Variants in IFT74 observed in about 807,000 individuals in gnomAD.
The protein encoded by IFT74 is intraflagellar transport protein 74 homolog.
IFT74 carries 92 observed loss-of-function variants against 96.7 expected under a neutral mutation model. The observed-to-expected ratio is 0.95, with a 90% CI of 0.80 to 1.13. IFT74 has a LOEUF of 1.13. IFT74 is among the 50% of genes most tolerant of loss of function. The pLI, the probability that IFT74 is intolerant of heterozygous loss-of-function variation, is 0.00. For missense variants in IFT74, 811 were observed against 698.2 expected, an observed-to-expected ratio of 1.16 and a Z score of -1.82; for synonymous variants, 223 against 213.2, an observed-to-expected ratio of 1.05 and a Z score of -0.40.
rs369859631 is a variant in IFT74, at chr9:27,062,957, A to G, written c.*221A>G. ...TACCATCTTCTTTTCTTTTTATGCT[A>G]CTTGTATTTGAACCAAGAGATAAAG... On this transcript the variant is annotated 3_prime_UTR_variant, in exon 20 of 20. Transcript: ENST00000380062. The G allele has an allele frequency of 5.4e-5, 24 of 447,942 alleles. No individual in the cohort carries two copies. Among genetic ancestry groups the G allele is most frequent in the African/African-American group, 3.9e-4 (19 of 48,266 alleles). 27.7% of individuals were successfully genotyped at this position (447,942 alleles called of 1,614,324 possible).
chr9:26,964,261 A>T (rs1826503665), intron 2 of IFT74, among the ~76,000 whole-genome samples: 1 of 145,032 alleles, frequency 6.9e-6, no homozygotes, highest in South Asian at 2.3e-4. Flanking sequence ...TTTGTCAAAG[A>T]TCAGATAGTT....
rs955606320 is a variant in IFT74 at position 27,058,191 on chromosome 9, C to T, written c.1623+1732C>T. On this transcript the variant is annotated intron_variant, in intron 18 of 19. Transcript: ENST00000380062. ...GCAACCTGGAGCTCCTGGACTCAAC[C>T]GATCCTCCTGCCTCAGCCACTGAGT... Among the ~76,000 whole-genome samples the T allele has an allele frequency of 3.3e-5, 5 of 151,952 alleles. No homozygotes were observed. The East Asian group carries it at 7.7e-4, about 24-fold the overall frequency.
In IFT74 at chr9:27,047,433, A is replaced by G; in HGVS notation, c.1206+62A>G. 2.0e-6 allele frequency: 2 copies of G among 977,438 alleles called. 1 individual carries two copies. The highest frequency in any genetic ancestry group is 3.1e-6 in the Non-Finnish European group (2 of 643,422). The allele number at this position is 977,438 out of a possible 1,614,324, so 60.5% of individuals were successfully genotyped here. On this transcript the variant is annotated intron_variant, in intron 15 of 19. Coordinates refer to ENST00000380062, the MANE Select transcript of IFT74 (RefSeq NM_025103.4). ...TTTTGCCGTGATTAACTTTCCAAAT[A>G]CAACTCAAAAAATAGAACGGCTCAC...
intron 6 of IFT74, among the ~76,000 whole-genome samples, chr9:26,984,808 A>G (rs1392683708): frequency 6.6e-6 from 1 of 152,200 alleles, no homozygotes; most frequent in Non-Finnish European, 1.5e-5. Context: ...CAAAAATAAC[A>G]GATGCTGGTG....
chr9:26,979,703 CTTTTTTTTTTTTTTTT>C lies in IFT74; in HGVS notation c.257-856_257-841del, dbSNP rs951706952. Among the ~76,000 whole-genome samples, 5 of 75,488 alleles carry C rather than the reference CTTTTTTTTTTTTTTTT, an allele frequency of 6.6e-5. No homozygotes were observed. The South Asian group carries it at 2.9e-3, about 44-fold the overall frequency. 49.5% of individuals were successfully genotyped at this position (75,488 alleles called of 152,430 possible). ...GAGACATTTAACCTAGGAACACTTT[CTTTTTTTTTTTTTTTT>C]TTTTTTTTTTTGAGATGGGGTCTTT... is the stretch of plus-strand genomic sequence containing the variant. On this transcript the variant is annotated intron_variant, in intron 3 of 19. Transcript: ENST00000380062.
intron 12 of IFT74, among the ~76,000 whole-genome samples, chr9:27,028,643 C>G (rs1251460087): frequency 6.6e-6 from 1 of 151,964 alleles, no homozygotes; most frequent in Non-Finnish European, 1.5e-5. Flanking sequence ...CTAGTCCCAG[C>G]TATTCGGGAG....
intron 18 of IFT74, among the ~76,000 whole-genome samples, chr9:27,058,147 G>A (rs976237314): frequency 6.7e-6 from 1 of 150,324 alleles, no homozygotes; most frequent in Non-Finnish European, 1.5e-5. Context: ...AGAGTGTAGT[G>A]ACATAATTGT....
intron 14 of IFT74, among the ~76,000 whole-genome samples, chr9:27,046,396 G>A (rs1340665287): frequency 1.3e-5 from 2 of 152,104 alleles, no homozygotes; most frequent in East Asian, 3.9e-4. Flanking sequence ...GCAAGCTATT[G>A]ATGTTATTCA....
chr9:27,046,467 A>C (rs897365331), intron 14 of IFT74, among the ~76,000 whole-genome samples: 6 of 152,186 alleles, frequency 3.9e-5, no homozygotes, highest in Non-Finnish European at 5.9e-5. Flanking sequence ...CCATAGAAAT[A>C]CTCGAAAATG....
intron 18 of IFT74, among the ~76,000 whole-genome samples, chr9:27,057,820 T>C (rs1587428830): frequency 6.6e-6 from 1 of 151,962 alleles, no homozygotes; most frequent in Non-Finnish European, 1.5e-5. Flanking sequence ...ATCGCGCCAC[T>C]GCACTCCAGC....
intron 9 of IFT74, among the ~76,000 whole-genome samples, chr9:27,010,149 G>A (rs981045072): frequency 1.3e-5 from 2 of 151,718 alleles, no homozygotes; most frequent in Non-Finnish European, 2.9e-5. Context: ...CACCACGCCC[G>A]GCTGATTTTT....
intron 13 of IFT74, among the ~76,000 whole-genome samples, chr9:27,033,868 C>A (rs1830237618): frequency 6.6e-6 from 1 of 151,792 alleles, no homozygotes; most frequent in Non-Finnish European, 1.5e-5. Context: ...GTTATACAAC[C>A]AAAAGCAGTA....
intron 2 of IFT74, among the ~76,000 whole-genome samples, chr9:26,967,902 T>C (rs1483695788): frequency 6.6e-6 from 1 of 152,210 alleles, no homozygotes; most frequent in Non-Finnish European, 1.5e-5. Flanking sequence ...TTTGCACATG[T>C]TGAACTATCT....
chr9:27,016,390 A>G (rs915813121), intron 10 of IFT74, among the ~76,000 whole-genome samples: 3 of 152,180 alleles, frequency 2.0e-5, no homozygotes, highest in African/African-American at 7.2e-5. Flanking sequence ...ACTTGACTAA[A>G]TATGCAAAGA....
intron 12 of IFT74, among the ~76,000 whole-genome samples, chr9:27,020,704 G>T (rs1433896676): frequency 6.6e-6 from 1 of 152,082 alleles, no homozygotes; most frequent in East Asian, 1.9e-4. Flanking sequence ...TCGATCTCCT[G>T]ACCTCGTGAT....
intron 2 of IFT74, among the ~76,000 whole-genome samples, chr9:26,967,114 T>C (rs1383096817): frequency 2.0e-5 from 3 of 151,984 alleles, no homozygotes; most frequent in Non-Finnish European, 4.4e-5. Context: ...TTTTAGGATT[T>C]TTTTTTCTAT....
chr9:27,010,026 G>A (rs1395135859), intron 9 of IFT74, among the ~76,000 whole-genome samples: 1 of 148,158 alleles, frequency 6.7e-6, no homozygotes, highest in Non-Finnish European at 1.5e-5. Context: ...GTCTCGCTCT[G>A]TCGCCCAGGC....
chr9:27,022,744 G>A (rs1435940381), intron 12 of IFT74, among the ~76,000 whole-genome samples: 1 of 151,624 alleles, frequency 6.6e-6, no homozygotes, highest in Non-Finnish European at 1.5e-5. Context: ...CCGGGTTCAA[G>A]CAATTCTTCT....
intron 13 of IFT74, among the ~76,000 whole-genome samples, chr9:27,041,016 C>T (rs895333645): frequency 6.6e-6 from 1 of 152,144 alleles, no homozygotes; most frequent in Non-Finnish European, 1.5e-5. Context: ...TACTGCACTG[C>T]TGGCTATAGC....
Sources: allele counts gnomAD v4.1 joint callset (sites outside exome capture counted in the v4.1 genomes callset), GRCh38; gene constraint gnomAD v4.1.1; transcripts MANE v1.5; gene names NCBI Gene and HGNC (gene_info 2026-07-23, HGNC 2026-07-21).